FAM171A1: variants seen among roughly 807,000 people sequenced by gnomAD.
FAM171A1 encodes the protein family with sequence similarity 171 member A1.
A neutral mutation model predicts 74.9 loss-of-function variants in FAM171A1; 23 were observed. The observed-to-expected ratio is 0.31, with a 90% CI of 0.22 to 0.44. The LOEUF (loss-of-function observed/expected upper bound fraction) is 0.44, where lower values mean the gene tolerates loss of function less well. FAM171A1 is among the 20% of genes least tolerant of loss of function. The pLI is 1.00. For missense variants in FAM171A1, 1,162 were observed against 1,159.2 expected, an observed-to-expected ratio of 1.00 and a Z score of -0.03; for synonymous variants, 527 against 505.7, an observed-to-expected ratio of 1.04 and a Z score of -0.57.
chr10:15,253,325 C>T (rs1479880610), intron 4 of FAM171A1, among the ~76,000 whole-genome samples: 1 of 152,084 alleles, frequency 6.6e-6, no homozygotes, highest in Non-Finnish European at 1.5e-5. Flanking sequence ...CTTCATGCTC[C>T]CCAAAACAAG....
intron 1 of FAM171A1, among the ~76,000 whole-genome samples, chr10:15,323,041 G>A (rs375992378): frequency 2.6e-4 from 39 of 151,790 alleles, no homozygotes; most frequent in African/African-American, 9.2e-4. Context: ...TAGGGAGGCT[G>A]AGGCATGAGA....
Position 15,213,679 on chromosome 10 carries a change from G to A in FAM171A1, c.1909C>T (p.Pro637Ser). The change falls in exon 8 of 8, where the codon CCC (proline) becomes TCC (serine). Residue 637 changes from proline to serine, a missense_variant. Pro to Ser is a moderately conservative substitution (Grantham distance 74). Transcript: ENST00000378116. The surrounding 1 kb of genome is among the most constrained non-coding windows in gnomAD (Gnocchi z 6.8). ...TGAGAGATGGCCTGGGAAGACAGGG[G>A]CTGGGGCTGGATCTGTGAGGACGGG... ...PHPSSQIQPQ[P>S]LSSQAISQQH... 6.2e-7 allele frequency: 1 copy of A among 1,613,290 alleles called. No homozygotes were observed.
chr10:15,284,830 G>A (rs1835016247), intron 1 of FAM171A1, among the ~76,000 whole-genome samples: 1 of 151,990 alleles, frequency 6.6e-6, no homozygotes, highest in Non-Finnish European at 1.5e-5. Flanking sequence ...AGTAACCCAG[G>A]ATTGTGCACT....
rs1564287959 is a variant in FAM171A1 at position 15,351,064 on chromosome 10, A to T, written c.97+19892T>A. Among the ~76,000 whole-genome samples, 4 of 151,882 alleles carry T rather than the reference A, an allele frequency of 2.6e-5. No homozygotes were observed. The East Asian group carries it at 5.8e-4, about 22-fold the overall frequency. ...CTCTGTTCCCTAACATGCTTTTCTC[A>T]CACCTAGACTGCTTCACTCGTTCTC... On this transcript the variant is annotated intron_variant, in intron 1 of 7. Coordinates refer to ENST00000378116, the MANE Select transcript of FAM171A1 (RefSeq NM_001010924.2).
chr10:15,288,435 T>C (rs1311964990), intron 1 of FAM171A1, among the ~76,000 whole-genome samples: 1 of 152,220 alleles, frequency 6.6e-6, no homozygotes, highest in Non-Finnish European at 1.5e-5. Context: ...ATCCAGTGTG[T>C]AGTCTTTACC....
rs200643624 is a variant in FAM171A1 at position 15,254,784 on chromosome 10, C to T, written c.514G>A (p.Ala172Thr). Residue 172 changes from alanine to threonine, a missense_variant, in exon 4 of 8, where the codon GCC becomes ACC. Transcript: ENST00000378116. ...CTGTCCACCTCCGAAGGGGAGCTGG[C>T]GGCCGTGAGAAACGCGGTCAGGTCA... ...YSDLTAFLTA[A>T]SSPSEVDSFP... The T allele has an allele frequency of 4.5e-5, 73 of 1,614,174 alleles. No homozygotes were observed. The Middle Eastern group carries it at 6.6e-4, about 15-fold the overall frequency.
At chr10:15,278,432 T>C (rs147826190) in intron 2 of FAM171A1, among the ~76,000 whole-genome samples, 267 of 152,278 alleles carry the variant, frequency 1.8e-3, no homozygotes, top group African/African-American at 5.5e-3. Context: ...CCTACGTTCA[T>C]ACAGAAACTC....
chr10:15,283,143 G>A (rs537810630), intron 2 of FAM171A1, among the ~76,000 whole-genome samples: 1 of 152,268 alleles, frequency 6.6e-6, no homozygotes, highest in Admixed American at 6.5e-5. Context: ...AGTTACAGAG[G>A]GAGGGAGGGA....
chr10:15,369,449 A>G (rs1350596313), intron 1 of FAM171A1, among the ~76,000 whole-genome samples: 1 of 152,142 alleles, frequency 6.6e-6, no homozygotes, highest in Non-Finnish European at 1.5e-5. Context: ...TAATGTCCTA[A>G]ACATTCGTTT....
At chr10:15,302,216 C>A (rs1408011124) in intron 1 of FAM171A1, among the ~76,000 whole-genome samples, 1 of 152,130 alleles carries the variant, frequency 6.6e-6, no homozygotes, top group African/African-American at 2.4e-5. Flanking sequence ...GTAATCCCTG[C>A]ACTTTGGGAG....
At chr10:15,284,911 A>G (rs1835017064) in intron 1 of FAM171A1, among the ~76,000 whole-genome samples, 1 of 151,978 alleles carries the variant, frequency 6.6e-6, no homozygotes, top group South Asian at 2.1e-4. Flanking sequence ...AGAGTAGAAC[A>G]AGAGAAGGTT....
chr10:15,229,642 C>T (rs369084776), intron 5 of FAM171A1, among the ~76,000 whole-genome samples: 5 of 104,502 alleles, frequency 4.8e-5, no homozygotes, highest in South Asian at 2.9e-4. Context: ...ACCATCATCA[C>T]CATCACCATC....
At position 15,229,233 on chromosome 10, in the gene FAM171A1, G is replaced by A. The variant is rs145457319; in HGVS notation, c.755-8173C>T. 4.0e-3 allele frequency among the ~76,000 whole-genome samples: 604 copies of A among 152,282 alleles called. 3 individuals carry two copies. The highest frequency in any genetic ancestry group is 0.014 in the African/African-American group (577 of 41,562). On this transcript the variant is annotated intron_variant, in intron 5 of 7. Transcript: ENST00000378116. ...CTTGTGCTGGTGCAGGCATGGCCTT[G>A]GATTGGGGAACCTGCTGTTGTTTCA...
At chr10:15,265,243 G>C (rs1318426880) in intron 3 of FAM171A1, among the ~76,000 whole-genome samples, 2 of 151,688 alleles carry the variant, frequency 1.3e-5, no homozygotes, top group Admixed American at 1.3e-4. Flanking sequence ...TCAAGTACTC[G>C]TGTGTGTGCG....
chr10:15,299,162 G>T (rs775694854), intron 1 of FAM171A1, among the ~76,000 whole-genome samples: 2 of 152,228 alleles, frequency 1.3e-5, no homozygotes, highest in Non-Finnish European at 2.9e-5. Context: ...CAGGTGATCC[G>T]CCTGCTTCAG....
intron 1 of FAM171A1, among the ~76,000 whole-genome samples, chr10:15,348,578 C>G (rs1588565842): frequency 6.6e-6 from 1 of 152,228 alleles, no homozygotes; most frequent in East Asian, 1.9e-4. Flanking sequence ...GGCTCTGCCC[C>G]TCTCTGTTCC....
At chr10:15,279,901 A>AAAACG (rs1834945606) in intron 2 of FAM171A1, among the ~76,000 whole-genome samples, 1 of 86,716 alleles carries the variant, frequency 1.2e-5, no homozygotes, top group African/African-American at 4.0e-5. Flanking sequence ...CTTGAAAAAT[A>AAAACG]AAACAAAACA....
At chr10:15,228,445 C>T (rs577144846) in intron 5 of FAM171A1, among the ~76,000 whole-genome samples, 2 of 149,920 alleles carry the variant, frequency 1.3e-5, no homozygotes, top group Non-Finnish European at 3.0e-5. Flanking sequence ...TGGGCTCAAG[C>T]GATCCTCCCA....
At chr10:15,288,063 A>G (rs895901581) in intron 1 of FAM171A1, among the ~76,000 whole-genome samples, 2 of 152,182 alleles carry the variant, frequency 1.3e-5, no homozygotes, top group East Asian at 1.9e-4. Context: ...ATGGTCTCCA[A>G]TTCCTTCCAG....
Sources: gnomAD v4.1 joint callset for allele counts (sites outside exome capture counted in the v4.1 genomes callset) on GRCh38, gnomAD v4.1.1 for gene constraint, Gnocchi (gnomAD v3.1) non-coding constraint, MANE v1.5 for transcripts, NCBI Gene and HGNC (gene_info 2026-07-23, HGNC 2026-07-21) for gene names.